Variants in RIMS1 observed in about 807,000 individuals in gnomAD.
The protein encoded by RIMS1 is regulating synaptic membrane exocytosis protein 1.
In RIMS1, 83 loss-of-function variants were observed where a neutral mutation model predicts 214.1. The ratio of observed to expected loss-of-function variants is 0.39; its 90% CI spans 0.32 to 0.47. RIMS1 has a LOEUF of 0.47. RIMS1 is among the 20% of genes least tolerant of loss of function. The pLI is 0.99. For synonymous variants in RIMS1, 793 were observed against 786.8 expected (o/e 1.01, Z -0.13); for missense variants, 2,050 against 2,161.8 (o/e 0.95, Z 1.03).
chr6:72,253,178 AT>A (rs2074244897), intron 16 of RIMS1, among the ~76,000 whole-genome samples: 1 of 152,078 alleles, frequency 6.6e-6, no homozygotes, highest in Non-Finnish European at 1.5e-5. Flanking sequence ...TTATATTTGC[AT>A]TTCTATGATT....
Position 72,307,238 on chromosome 6 carries a change from T to C in RIMS1, c.3851-20T>C, listed in dbSNP as rs759179148. On this transcript the variant is annotated intron_variant, in intron 26 of 33. Coordinates refer to ENST00000521978, the MANE Select transcript of RIMS1 (RefSeq NM_014989.7). ...GGTTCTTCACATGTTTTAATAGGCTTCCATTATGTGTTTTTGCAGCAAGCT... is the reference window on the plus strand; with the variant it reads ...GGTTCTTCACATGTTTTAATAGGCTCCCATTATGTGTTTTTGCAGCAAGCT... 59 of 1,509,322 alleles carry C rather than the reference T, an allele frequency of 3.9e-5. No individual in the cohort carries two copies. In the African/African-American group the frequency reaches 7.0e-4, roughly 18 times the overall value. The allele number at this position is 1,509,322 out of a possible 1,614,324, so 93.5% of individuals were successfully genotyped here.
chr6:72,177,509 C>T (rs2047875528), intron 4 of RIMS1, among the ~76,000 whole-genome samples: 1 of 152,172 alleles, frequency 6.6e-6, no homozygotes, highest in South Asian at 2.1e-4. Context: ...CCCTCAGCCT[C>T]CCAAAGTGCT....
intron 2 of RIMS1, among the ~76,000 whole-genome samples, chr6:72,014,982 A>G (rs1000019870): frequency 2.0e-5 from 3 of 152,202 alleles, no homozygotes; most frequent in Non-Finnish European, 2.9e-5. Flanking sequence ...CTGCTAGAGT[A>G]TAGAAATAAA....
At chr6:71,890,570 T>TAAAAAAAAA (rs3076604) in intron 1 of RIMS1, among the ~76,000 whole-genome samples, 7 of 81,506 alleles carry the variant, frequency 8.6e-5, no homozygotes, top group African/African-American at 1.1e-4. Flanking sequence ...CTCCTTTTTG[T>TAAAAAAAAA]AAAAAAAAAA....
intron 1 of RIMS1, among the ~76,000 whole-genome samples, chr6:71,907,108 T>G (rs561645076): frequency 6.6e-6 from 1 of 152,276 alleles, no homozygotes; most frequent in African/African-American, 2.4e-5. Flanking sequence ...GTTGGGTGCT[T>G]TCTTTTGAAC....
At chr6:72,164,671 G>A (rs145465284) in intron 4 of RIMS1, among the ~76,000 whole-genome samples, 51 of 152,282 alleles carry the variant, frequency 3.3e-4, no homozygotes, top group African/African-American at 1.2e-3. Flanking sequence ...GACAGTTCCA[G>A]CTGCTATAAC....
chr6:72,307,175 C>CAAAAGCATTGAAA, intron 26 of RIMS1, 83 bp from the exon 27 acceptor site: 1 of 844,888 alleles, frequency 1.2e-6, no homozygotes, highest in South Asian at 1.6e-5. Context: ...GAAGTCATTT[C>CAAAAGCATTGAAA]AAAAGCATTG....
chr6:72,307,638 T>C (rs980548688), intron 27 of RIMS1, among the ~76,000 whole-genome samples: 6 of 151,934 alleles, frequency 3.9e-5, no homozygotes, highest in Admixed American at 1.3e-4. Context: ...TCCCAGCTAC[T>C]TGGGAGGCTG....
At chr6:72,068,857 G>C (rs1227376313) in intron 2 of RIMS1, among the ~76,000 whole-genome samples, 7 of 151,634 alleles carry the variant, frequency 4.6e-5, no homozygotes, top group Non-Finnish European at 1.0e-4. Context: ...CTTGCAGTGA[G>C]CCGAGATCGC....
chr6:72,152,719 A>AT, intron 4 of RIMS1, among the ~76,000 whole-genome samples: 1 of 116,156 alleles, frequency 8.6e-6, no homozygotes, highest in Non-Finnish European at 1.8e-5. Context: ...TATATATGTG[A>AT]ATATATATAT....
intron 2 of RIMS1, among the ~76,000 whole-genome samples, chr6:72,090,093 C>T (rs879733421): frequency 3.3e-5 from 5 of 151,506 alleles, no homozygotes; most frequent in Admixed American, 6.6e-5. Flanking sequence ...GTGGGTGCAG[C>T]GCACCAGCAT....
Position 72,290,722 on chromosome 6 carries a change from A to G in RIMS1, c.3598A>G (p.Arg1200Gly). Residue 1200 changes from arginine (R) to glycine (G), a missense_variant, in exon 25 of 34, where the codon AGA becomes GGA. Coordinates refer to ENST00000521978, the MANE Select transcript of RIMS1 (RefSeq NM_014989.7). ...CLSRRGHAAP[R>G]ATDQPVIRGK... ...TTCTAGAAGGGGACACGCAGCCCCA[A>G]GAGCAACTGATCAGCCAGTCATTAG... 6.2e-7 allele frequency: 1 copy of G among 1,613,846 alleles called. No individual in the cohort carries two copies. Among genetic ancestry groups the G allele is most frequent in the Non-Finnish European group, 8.5e-7 (1 of 1,179,778 alleles).
intron 1 of RIMS1, among the ~76,000 whole-genome samples, chr6:71,940,220 G>C (rs1185330945): frequency 1.3e-5 from 2 of 152,076 alleles, no homozygotes; most frequent in Non-Finnish European, 2.9e-5. Context: ...TTCTGTTCTT[G>C]CTCCTTTCAC....
chr6:72,085,659 C>T lies in RIMS1; in HGVS notation c.246-11290C>T, dbSNP rs1437033358. On this transcript the variant is annotated intron_variant, in intron 2 of 33. Transcript: ENST00000521978. Reference sequence around the variant, plus strand: ...CATGGTGGTCTCTGGATAATTTGCACCAGAACTACTAAAAAAGCTCCTTCC... The same window carrying T: ...CATGGTGGTCTCTGGATAATTTGCATCAGAACTACTAAAAAAGCTCCTTCC... Among the ~76,000 whole-genome samples the T allele has an allele frequency of 2.0e-5, 3 of 152,154 alleles. No individual in the cohort carries two copies. The East Asian group carries it at 5.8e-4, about 29-fold the overall frequency.
At chr6:72,296,647 T>A (rs1363323628) in intron 26 of RIMS1, among the ~76,000 whole-genome samples, 1 of 151,922 alleles carries the variant, frequency 6.6e-6, no homozygotes, top group Non-Finnish European at 1.5e-5. Context: ...TATTTGAACA[T>A]GAGTTTTCAG....
intron 2 of RIMS1, among the ~76,000 whole-genome samples, chr6:72,083,798 A>G (rs1229103345): frequency 1.3e-5 from 2 of 152,144 alleles, no homozygotes; most frequent in South Asian, 2.1e-4. Flanking sequence ...TCACCAGTTC[A>G]TAAATGAGGA....
intron 19 of RIMS1, chr6:72,262,868 TA>T: frequency 1.7e-6 from 1 of 585,966 alleles, no homozygotes; most frequent in Non-Finnish European, 2.1e-6. Context: ...TAGTCTCTAG[TA>T]AACATAAGGA....
At chr6:72,129,353 G>A (rs2040092371) in intron 4 of RIMS1, among the ~76,000 whole-genome samples, 1 of 152,092 alleles carries the variant, frequency 6.6e-6, no homozygotes, top group Non-Finnish European at 1.5e-5. Flanking sequence ...ATAAGAGGTA[G>A]CCATGTTTAG....
intron 2 of RIMS1, among the ~76,000 whole-genome samples, chr6:71,976,018 A>T (rs1797044486): frequency 6.6e-6 from 1 of 152,044 alleles, no homozygotes; most frequent in African/African-American, 2.4e-5. Flanking sequence ...TGCTATTAGC[A>T]TTTAGGTACA....
Sources: gnomAD v4.1 joint callset for allele counts (sites outside exome capture counted in the v4.1 genomes callset) on GRCh38, gnomAD v4.1.1 for gene constraint, MANE v1.5 for transcripts, NCBI Gene and HGNC (gene_info 2026-07-23, HGNC 2026-07-21) for gene names.